The following DLGAP1 variants were observed in gnomAD, a reference collection of about 807,000 sequenced individuals.
DLGAP1 encodes disks large-associated protein 1.
A neutral mutation model predicts 90.8 loss-of-function variants in DLGAP1; 11 were observed. That is an observed-to-expected ratio of 0.12 (90% CI 0.08 to 0.20). The LOEUF (loss-of-function observed/expected upper bound fraction) is 0.20. Among genes scored for constraint, DLGAP1 ranks in the 10% least tolerant of loss-of-function variants. DLGAP1 has a pLI of 1.00. For synonymous variants in DLGAP1, 558 were observed against 540.7 expected (o/e 1.03, Z -0.44); for missense variants, 1,050 against 1,333.8 (o/e 0.79, Z 3.31).
chr18:4,008,685 G>A (rs539707903), intron 2 of DLGAP1, among the ~76,000 whole-genome samples: 2 of 152,236 alleles, frequency 1.3e-5, no homozygotes, highest in East Asian at 3.9e-4. Flanking sequence ...AACCAGTGAC[G>A]GGGAAAAAAA....
intron 3 of DLGAP1, among the ~76,000 whole-genome samples, chr18:3,906,733 T>G (rs2071915451): frequency 6.6e-6 from 1 of 152,034 alleles, no homozygotes; most frequent in African/African-American, 2.4e-5. Flanking sequence ...ATTGGAAAAA[T>G]GGTGAAAATT....
At chr18:4,111,035 A>AT (rs1203350986) in intron 2 of DLGAP1, among the ~76,000 whole-genome samples, 2 of 152,074 alleles carry the variant, frequency 1.3e-5, no homozygotes, top group African/African-American at 2.4e-5. Context: ...AAAGGTTATG[A>AT]TATTAGCCGT....
chr18:4,256,321 G>A (rs2078886411), intron 1 of DLGAP1, among the ~76,000 whole-genome samples: 1 of 152,170 alleles, frequency 6.6e-6, no homozygotes, highest in African/African-American at 2.4e-5. Context: ...TATTGCTTGA[G>A]CCCAGGAGGT....
chr18:4,225,359 C>T (rs1217524078), intron 1 of DLGAP1, among the ~76,000 whole-genome samples: 1 of 152,098 alleles, frequency 6.6e-6, no homozygotes, highest in South Asian at 2.1e-4. Flanking sequence ...ACTGTGAAAA[C>T]TACCATAAAT....
At chr18:4,098,115 T>A (rs2075714162) in intron 2 of DLGAP1, among the ~76,000 whole-genome samples, 1 of 152,182 alleles carries the variant, frequency 6.6e-6, no homozygotes, top group Non-Finnish European at 1.5e-5. Context: ...GATTTTGCCA[T>A]GTTGCCTAGG....
chr18:4,430,775 A>T (rs2083272367), intron 1 of DLGAP1: 1 of 152,192 alleles, frequency 6.6e-6, no homozygotes, highest in Non-Finnish European at 1.5e-5. Flanking sequence ...CCCTGTGATC[A>T]GCTGCCATTA....
chr18:3,718,691 C>T (rs1050792869), intron 7 of DLGAP1, among the ~76,000 whole-genome samples: 2 of 149,660 alleles, frequency 1.3e-5, no homozygotes, highest in Middle Eastern at 3.2e-3. Flanking sequence ...TTTGGGGGGT[C>T]GAGGCGGGTG....
At chr18:3,974,511 G>A (rs1457306346) in intron 3 of DLGAP1, among the ~76,000 whole-genome samples, 1 of 152,144 alleles carries the variant, frequency 6.6e-6, no homozygotes, top group African/African-American at 2.4e-5. Flanking sequence ...ACTTTCTGAG[G>A]AGAGAAAAAG....
chr18:3,500,132 A>G (rs1192279101), intron 12 of DLGAP1, among the ~76,000 whole-genome samples: 1 of 152,220 alleles, frequency 6.6e-6, no homozygotes, highest in East Asian at 1.9e-4. Flanking sequence ...AGCAATTCCA[A>G]TCACAGGGGC....
intron 7 of DLGAP1, among the ~76,000 whole-genome samples, chr18:3,592,717 G>T (rs187256261): frequency 1.3e-5 from 2 of 151,472 alleles, no homozygotes; most frequent in Non-Finnish European, 3.0e-5. Flanking sequence ...GGTGGTGCAC[G>T]CCTGAAGTCT....
At position 4,095,906 on chromosome 18, in the gene DLGAP1, G is replaced by T. The variant is rs185090812; in HGVS notation, c.-159+55274C>A. Reference sequence around the variant, plus strand: ...GAGGGGTAGGCGGAATCTTCGAAGTGATTTAATTTAAACCTGAATCGATCA... The same window carrying T: ...GAGGGGTAGGCGGAATCTTCGAAGTTATTTAATTTAAACCTGAATCGATCA... On this transcript the variant is annotated intron_variant, in intron 2 of 12. Transcript: ENST00000315677. Among the ~76,000 whole-genome samples the T allele has an allele frequency of 2.2e-4, 34 of 152,096 alleles. 2 individuals are homozygous for T. Among genetic ancestry groups the T allele is most frequent in the Admixed American group, 5.9e-4 (9 of 15,274 alleles).
rs145114903 is a variant in DLGAP1 at position 4,431,421 on chromosome 18, A to G, written c.-267+23585T>C. 5.6e-3 allele frequency among the ~76,000 whole-genome samples: 851 copies of G among 152,346 alleles called. 16 individuals carry two copies. Among genetic ancestry groups the G allele is most frequent in the East Asian group, 0.041 (215 of 5,188 alleles). On this transcript the variant is annotated intron_variant, in intron 1 of 12. Coordinates refer to ENST00000315677, the MANE Select transcript of DLGAP1 (RefSeq NM_004746.4). ...CCTACAAAGATTTTATAACTGACTT[A>G]GTCATTTCCCATTTTGCATCTTATG... is the stretch of plus-strand genomic sequence containing the variant.
Position 3,498,970 on chromosome 18 carries a change from C to A in DLGAP1, c.*215G>T. 1.8e-6 allele frequency: 1 copy of A among 559,030 alleles called. No individual in the cohort carries two copies. The highest frequency in any genetic ancestry group is 2.0e-5 in the African/African-American group (1 of 49,688). The allele number at this position is 559,030 out of a possible 1,614,324, so 34.6% of individuals were successfully genotyped here. On this transcript the variant is annotated 3_prime_UTR_variant, in exon 13 of 13. Transcript: ENST00000315677. ...GACGGCATCAGGACAGGGGGCGAAG[C>A]TCGGTGAAGAAGGAGATGGGCAAAC...
Position 3,700,609 on chromosome 18 carries a change from A to T in DLGAP1, c.1591+28526T>A, listed in dbSNP as rs146581557. Among the ~76,000 whole-genome samples the T allele has an allele frequency of 4.4e-3, 667 of 152,008 alleles. 10 individuals carry two copies. Among genetic ancestry groups the T allele is most frequent in the African/African-American group, 0.015 (639 of 41,406 alleles). On this transcript the variant is annotated intron_variant, in intron 7 of 12. Transcript: ENST00000315677. ...ACCTAGCATTTTATTTTATTTTTTT[A>T]AAATTTTAATTGTTTTTTGAGACAG...
intron 1 of DLGAP1, among the ~76,000 whole-genome samples, chr18:4,390,851 T>C (rs1372958966): frequency 3.3e-5 from 5 of 152,176 alleles, no homozygotes; most frequent in Non-Finnish European, 5.9e-5. Context: ...TTGAGATCTT[T>C]AACACTGTTT....
At chr18:3,650,885 G>A (rs1401969637) in intron 7 of DLGAP1, among the ~76,000 whole-genome samples, 5 of 151,606 alleles carry the variant, frequency 3.3e-5, no homozygotes, top group Non-Finnish European at 5.9e-5. Flanking sequence ...TGGCCAACAT[G>A]GTGAAACCCT....
intron 1 of DLGAP1, among the ~76,000 whole-genome samples, chr18:4,186,513 C>T (rs528248196): frequency 6.4e-4 from 98 of 152,260 alleles, no homozygotes; most frequent in Middle Eastern, 6.8e-3. Flanking sequence ...GTTATCCCAA[C>T]GCCATTTGTT....
chr18:4,009,868 G>A (rs1050768008), intron 2 of DLGAP1, among the ~76,000 whole-genome samples: 1 of 152,190 alleles, frequency 6.6e-6, no homozygotes, highest in Non-Finnish European at 1.5e-5. Flanking sequence ...GCTGGATCAT[G>A]TATGGACAGG....
At chr18:4,289,074 G>C (rs1215015667) in intron 1 of DLGAP1, among the ~76,000 whole-genome samples, 2 of 152,152 alleles carry the variant, frequency 1.3e-5, no homozygotes, top group East Asian at 3.8e-4. Context: ...CCCAGGGCAG[G>C]AGTGTTGTTG....
Sources: gnomAD v4.1 joint callset for allele counts (sites outside exome capture counted in the v4.1 genomes callset) on GRCh38, gnomAD v4.1.1 for gene constraint, MANE v1.5 for transcripts, NCBI Gene and HGNC (gene_info 2026-07-23, HGNC 2026-07-21) for gene names.